The following GRIK1 variants were observed in gnomAD, a reference collection of about 807,000 sequenced individuals.
GRIK1 encodes the protein glutamate receptor ionotropic, kainate 1.
Under a neutral mutation model 105.7 loss-of-function variants are expected in GRIK1, and 69 were observed. The ratio of observed to expected loss-of-function variants is 0.65; its 90% CI spans 0.54 to 0.80. The LOEUF (loss-of-function observed/expected upper bound fraction) is 0.80. GRIK1 is among the 30% of genes least tolerant of loss of function. The pLI, the probability that GRIK1 is intolerant of heterozygous loss-of-function variation, is 0.00. For missense variants in GRIK1, 1,109 were observed against 1,167.3 expected, an observed-to-expected ratio of 0.95 and a Z score of 0.73; for synonymous variants, 438 against 431.3, an observed-to-expected ratio of 1.02 and a Z score of -0.19.
intron 1 of GRIK1, among the ~76,000 whole-genome samples, chr21:29,886,430 C>T (rs538297025): frequency 4.9e-4 from 74 of 152,202 alleles, no homozygotes; most frequent in Middle Eastern, 6.8e-3. Context: ...ATTGTGTTGG[C>T]TACCACTGGA....
At chr21:29,884,976 CA>C (rs1487105236) in intron 1 of GRIK1, among the ~76,000 whole-genome samples, 1 of 151,970 alleles carries the variant, frequency 6.6e-6, no homozygotes, top group Non-Finnish European at 1.5e-5. Context: ...ATTCTAATCC[CA>C]AATGAAACAT....
chr21:29,905,151 A>G (rs145882948), intron 1 of GRIK1, among the ~76,000 whole-genome samples: 77 of 152,290 alleles, frequency 5.1e-4, no homozygotes, highest in African/African-American at 1.8e-3. Context: ...CAATTTAGAA[A>G]CATGATTATT....
chr21:29,888,228 T>G (rs527448072), intron 1 of GRIK1, among the ~76,000 whole-genome samples: 2 of 86,360 alleles, frequency 2.3e-5, no homozygotes, highest in South Asian at 4.2e-4. Context: ...TCTCTCTCTC[T>G]CTCTCCTTCC....
chr21:29,667,885 G>T (rs73352537), intron 4 of GRIK1, among the ~76,000 whole-genome samples: 1 of 152,218 alleles, frequency 6.6e-6, no homozygotes, highest in African/African-American at 2.4e-5. Flanking sequence ...TTTTCAGGAA[G>T]TGAAATCACA....
intron 16 of GRIK1, among the ~76,000 whole-genome samples, chr21:29,540,136 C>G (rs1337057504): frequency 6.6e-6 from 1 of 152,132 alleles, no homozygotes. Context: ...CCTCTTTTCC[C>G]TATTTTGGGT....
intron 8 of GRIK1, chr21:29,596,789 A>T (rs1170593234): frequency 3.5e-6 from 2 of 570,794 alleles, no homozygotes; most frequent in South Asian, 2.0e-5. Flanking sequence ...GTAAGACTCA[A>T]TTTTTACTTT....
chr21:29,560,314 TC>T (rs2090370575), intron 15 of GRIK1, among the ~76,000 whole-genome samples: 1 of 116,424 alleles, frequency 8.6e-6, no homozygotes, highest in Non-Finnish European at 1.7e-5. Context: ...TTTCTTTCTT[TC>T]TTTCTTTCTT....
At chr21:29,627,603 G>A (rs2062161619) in intron 7 of GRIK1, among the ~76,000 whole-genome samples, 1 of 152,174 alleles carries the variant, frequency 6.6e-6, no homozygotes, top group African/African-American at 2.4e-5. Context: ...AACTGAAGGG[G>A]CAGTCAGACT....
At chr21:29,642,157 C>T (rs920492228) in intron 7 of GRIK1, among the ~76,000 whole-genome samples, 37 of 152,072 alleles carry the variant, frequency 2.4e-4, no homozygotes, top group Admixed American at 1.9e-3. Flanking sequence ...GTGTACATAT[C>T]GATAAGGAGT....
At chr21:29,801,628 G>T (rs2066713672) in intron 1 of GRIK1, among the ~76,000 whole-genome samples, 1 of 152,066 alleles carries the variant, frequency 6.6e-6, no homozygotes, top group African/African-American at 2.4e-5. Context: ...GAAGATATAG[G>T]GCTGTGAAGT....
intron 1 of GRIK1, among the ~76,000 whole-genome samples, chr21:29,730,831 T>C (rs2146896247): frequency 1.3e-5 from 2 of 152,162 alleles, no homozygotes; most frequent in East Asian, 3.9e-4. Context: ...ATGAGGGAAC[T>C]TCAAAAAATT....
intron 1 of GRIK1, among the ~76,000 whole-genome samples, chr21:29,757,443 T>A (rs2065378898): frequency 6.6e-6 from 1 of 152,208 alleles, no homozygotes; most frequent in African/African-American, 2.4e-5. Flanking sequence ...CTACACTACT[T>A]CTGTGAATAA....
At chr21:29,732,065 C>A (rs542319487) in intron 1 of GRIK1, among the ~76,000 whole-genome samples, 3 of 152,140 alleles carry the variant, frequency 2.0e-5, no homozygotes, top group Non-Finnish European at 4.4e-5. Flanking sequence ...GAAATCCTTG[C>A]GTAATTCTTT....
chr21:29,574,683 CTTTTTTTTTTT>C (rs71191118), intron 14 of GRIK1, among the ~76,000 whole-genome samples: 1 of 98,412 alleles, frequency 1.0e-5, no homozygotes, highest in Non-Finnish European at 2.0e-5. Flanking sequence ...TGATACACTT[CTTTTTTTTTTT>C]TTTTTTTTTT....
chr21:29,599,646 C>T (rs1214550619), intron 7 of GRIK1, among the ~76,000 whole-genome samples: 2 of 152,128 alleles, frequency 1.3e-5, no homozygotes, highest in Non-Finnish European at 2.9e-5. Context: ...CTTGTGGTTG[C>T]ATCACTCCAA....
intron 12 of GRIK1, among the ~76,000 whole-genome samples, chr21:29,583,380 C>T (rs2091063858): frequency 6.6e-6 from 1 of 152,094 alleles, no homozygotes; most frequent in African/African-American, 2.4e-5. Flanking sequence ...CTATCATTGT[C>T]ACTTGTACAA....
At chr21:29,744,972 C>T (rs1239680018) in intron 1 of GRIK1, among the ~76,000 whole-genome samples, 1 of 152,204 alleles carries the variant, frequency 6.6e-6, no homozygotes, top group Non-Finnish European at 1.5e-5. Context: ...TCCCCACCTT[C>T]TGGCATTCAC....
intron 3 of GRIK1, among the ~76,000 whole-genome samples, chr21:29,673,616 A>G (rs2063201942): frequency 6.6e-6 from 1 of 152,220 alleles, no homozygotes; most frequent in African/African-American, 2.4e-5. Context: ...ATTTATATAT[A>G]ACATACCCTT....
chr21:29,657,247 AG>A (rs2062871776), intron 4 of GRIK1, among the ~76,000 whole-genome samples: 1 of 152,232 alleles, frequency 6.6e-6, no homozygotes, highest in Non-Finnish European at 1.5e-5. Flanking sequence ...TAGAACACAA[AG>A]GCATTTGAGT....
Sources: allele counts gnomAD v4.1 joint callset (sites outside exome capture counted in the v4.1 genomes callset), GRCh38; gene constraint gnomAD v4.1.1; transcripts MANE v1.5; gene names NCBI Gene and HGNC (gene_info 2026-07-23, HGNC 2026-07-21).